Variants in PPM1K observed in about 807,000 individuals in gnomAD.
The protein encoded by PPM1K is protein phosphatase Mn(2+)-dependent 1K.
A neutral mutation model predicts 32.6 loss-of-function variants in PPM1K; 19 were observed. The ratio of observed to expected loss-of-function variants is 0.58; its 90% CI spans 0.41 to 0.86. PPM1K has a LOEUF of 0.86. Among genes scored for constraint, PPM1K ranks in the 40% least tolerant of loss-of-function variants. The probability of loss-of-function intolerance (pLI) is 0.00; values close to 1 mark genes in which losing one functional copy is unlikely to be tolerated. For synonymous variants in PPM1K, 159 were observed against 165.3 expected (o/e 0.96, Z 0.29); for missense variants, 362 against 461.2 (o/e 0.78, Z 1.97).
Position 88,277,126 on chromosome 4 carries a change from G to A in PPM1K, c.541+17C>T, listed in dbSNP as rs750175438. The stretch of plus-strand genomic sequence containing the variant: ...ATGTACTCCCTAGGATCCAAGGAAT[G>A]TGATAGTTTTACATACCATCAGCAG... On this transcript the variant is annotated intron_variant, in intron 3 of 6. Transcript: ENST00000608933. 6.3e-7 allele frequency: 1 copy of A among 1,575,268 alleles called. No individual in the cohort carries two copies. Among genetic ancestry groups the A allele is most frequent in the Admixed American group, 1.7e-5 (1 of 59,960 alleles).
chr4:88,276,277 CT>C (rs35349888), intron 3 of PPM1K: 2 of 985,020 alleles, frequency 2.0e-6, no homozygotes, highest in Non-Finnish European at 2.4e-6. Context: ...TGGTTTCTTT[CT>C]TTTTTTTAAG....
Position 88,278,714 on chromosome 4 carries a change from G to A in PPM1K, c.-59-72C>T. ...GCAGAGGAGGAGAGGGAGAGAGACAGAGAGAGAGAGACCATCAGAAATTTT... is the reference window on the plus strand; with the variant it reads ...GCAGAGGAGGAGAGGGAGAGAGACAAAGAGAGAGAGACCATCAGAAATTTT... On this transcript the variant is annotated intron_variant, in intron 1 of 6. Coordinates refer to ENST00000608933, the MANE Select transcript of PPM1K (RefSeq NM_152542.5). This position sits in a 1 kb window ranked among gnomAD's most constrained non-coding sequence, Gnocchi z 4.2. 1.6e-6 allele frequency: 1 copy of A among 621,232 alleles called. No homozygotes were observed. Among genetic ancestry groups the A allele is most frequent in the Non-Finnish European group, 2.7e-6 (1 of 369,968 alleles). 38.5% of individuals were successfully genotyped at this position (621,232 alleles called of 1,614,324 possible).
At chr4:88,271,001 G>A (rs777744223) in intron 3 of PPM1K, 2 of 494,722 alleles carry the variant, frequency 4.0e-6, no homozygotes, top group Non-Finnish European at 8.0e-6. Context: ...AACACTCACT[G>A]GACAATTTCT....
At chr4:88,270,384 G>A (rs575946622) in intron 3 of PPM1K, among the ~76,000 whole-genome samples, 1 of 152,160 alleles carries the variant, frequency 6.6e-6, no homozygotes, top group Non-Finnish European at 1.5e-5. Flanking sequence ...TGGAACTGTC[G>A]TGCCAATGTA....
At chr4:88,277,079 C>G in intron 3 of PPM1K, 64 bp downstream of exon 3, 1 of 1,284,958 alleles carries the variant, frequency 7.8e-7, no homozygotes, top group Non-Finnish European at 1.1e-6. Flanking sequence ...AAAGTGTTTC[C>G]TTTTTACTCC....
chr4:88,268,490 A>G (rs574076926), intron 4 of PPM1K, among the ~76,000 whole-genome samples, 156 bp from the exon 5 acceptor site: 44 of 152,238 alleles, frequency 2.9e-4, no homozygotes, highest in East Asian at 1.5e-3. Context: ...GCGTGTTGGC[A>G]GGCGCCTGTA....
At chr4:88,273,780 C>G (rs1358603321) in intron 3 of PPM1K, among the ~76,000 whole-genome samples, 1 of 151,946 alleles carries the variant, frequency 6.6e-6, no homozygotes, top group Non-Finnish European at 1.5e-5. Flanking sequence ...AAGAAATGGG[C>G]AACATGGCGC....
intron 2 of PPM1K, chr4:88,277,771 T>C: frequency 4.3e-6 from 1 of 234,058 alleles, no homozygotes; most frequent in Non-Finnish European, 8.3e-6. Flanking sequence ...AGTCAGGTAT[T>C]CAAAGCTATT....
intron 3 of PPM1K, among the ~76,000 whole-genome samples, chr4:88,274,086 C>T (rs1731670036): frequency 6.6e-6 from 1 of 152,212 alleles, no homozygotes; most frequent in Admixed American, 6.5e-5. Flanking sequence ...CCTAACCTCA[C>T]TCCTTGTGTG....
rs375840318 is a variant in PPM1K at position 88,277,139 on chromosome 4, A to G, written c.541+4T>C. ...GATCCAAGGAATGTGATAGTTTTACATACCATCAGCAGACAGGCGGGCATG... is the reference window on the plus strand; with the variant it reads ...GATCCAAGGAATGTGATAGTTTTACGTACCATCAGCAGACAGGCGGGCATG... On this transcript the variant is annotated splice_donor_region_variant and intron_variant, in intron 3 of 6. Coordinates refer to ENST00000608933, the MANE Select transcript of PPM1K (RefSeq NM_152542.5). 9.3e-6 allele frequency: 15 copies of G among 1,608,930 alleles called. No individual in the cohort carries two copies. In the Admixed American group the frequency reaches 1.5e-4, roughly 16 times the overall value.
rs760236716 is a variant in PPM1K, at chr4:88,265,139, C to T, written c.853-4G>A. The T allele has an allele frequency of 6.2e-7, 1 of 1,614,142 alleles. No homozygotes were observed. Among genetic ancestry groups the T allele is most frequent in the Admixed American group, 1.7e-5 (1 of 60,012 alleles). On this transcript the variant is annotated splice_polypyrimidine_tract_variant and splice_region_variant and intron_variant, in intron 5 of 6. Coordinates refer to ENST00000608933, the MANE Select transcript of PPM1K (RefSeq NM_152542.5). ...AGCTGTCATCAGCATGATGTAACTG[C>T]AATCAGAACCAAATGCCTATGATTA... is the stretch of plus-strand genomic sequence containing the variant.
Position 88,265,109 on chromosome 4 carries a change from C to T in PPM1K, c.879G>A (p.Leu293=), listed in dbSNP as rs553487139. 1.5e-5 allele frequency: 24 copies of T among 1,613,994 alleles called. No individual in the cohort carries two copies. Among genetic ancestry groups the T allele is most frequent in the East Asian group, 2.2e-5 (1 of 44,894 alleles). The change falls in exon 6 of 7, where the codon CTG becomes CTA. Residue 293 remains leucine, a synonymous_variant. Transcript: ENST00000608933. ...IKLHHADDSF[L]VLTTDGINFM... ...AGTTAATTCCATCTGTGGTGAGGAC[C>T]AGGAAGCTGTCATCAGCATGATGTA... is the stretch of plus-strand genomic sequence containing the variant.
chr4:88,278,113 C>A lies in PPM1K; in HGVS notation c.440+31G>T. 6.3e-7 allele frequency: 1 copy of A among 1,576,408 alleles called. No individual in the cohort carries two copies. The highest frequency in any genetic ancestry group is 1.1e-5 in the South Asian group (1 of 87,046). On this transcript the variant is annotated intron_variant, in intron 2 of 6. Transcript: ENST00000608933. The surrounding 1 kb of genome is among the most constrained non-coding windows in gnomAD (Gnocchi z 4.2). Reference sequence around the variant, plus strand: ...GTTTAAGTAGGAAGTATAGGAACTGCAAAGTCAGGAGTGAAAGTCATTGTA... The same window carrying A: ...GTTTAAGTAGGAAGTATAGGAACTGAAAAGTCAGGAGTGAAAGTCATTGTA...
At chr4:88,268,423 C>T (rs1212374633) in intron 4 of PPM1K, 89 bp from the exon 5 acceptor site, 13 of 1,443,294 alleles carry the variant, frequency 9.0e-6, no homozygotes, top group South Asian at 2.3e-5. Context: ...GAGATCGAGA[C>T]CATCCTGGCT....
rs1731075123 is a variant in PPM1K, at chr4:88,260,456, C to T, written c.*2139G>A. ...AAAGGTAGCTTCCACATTTCTGTTC[C>T]AAGAACTGATTAGAAAAAGCAAGAT... On this transcript the variant is annotated 3_prime_UTR_variant, in exon 7 of 7. Transcript: ENST00000608933. 1.3e-5 allele frequency: 2 copies of T among 152,002 alleles called. No individual in the cohort carries two copies. Among genetic ancestry groups the T allele is most frequent in the Non-Finnish European group, 2.9e-5 (2 of 68,016 alleles). 9.4% of individuals were successfully genotyped at this position (152,002 alleles called of 1,614,324 possible).
chr4:88,282,374 C>G (rs1219283075), intron 1 of PPM1K, among the ~76,000 whole-genome samples: 1 of 152,134 alleles, frequency 6.6e-6, no homozygotes, highest in Non-Finnish European at 1.5e-5. Flanking sequence ...GATTTTATCC[C>G]TCTAGAAAAA....
chr4:88,268,481 C>A lies in PPM1K; in HGVS notation c.708-147G>T, dbSNP rs1433659436. ...ACTAAAAAACAAAAAATTAGCCGAGCGTGTTGGCAGGCGCCTGTAGTCCCA... is the reference window on the plus strand; with the variant it reads ...ACTAAAAAACAAAAAATTAGCCGAGAGTGTTGGCAGGCGCCTGTAGTCCCA... On this transcript the variant is annotated intron_variant, in intron 4 of 6. Coordinates refer to ENST00000608933, the MANE Select transcript of PPM1K (RefSeq NM_152542.5). The A allele has an allele frequency of 3.6e-5, 34 of 945,282 alleles. 1 individual carries two copies. In the South Asian group the frequency reaches 4.9e-4, roughly 14 times the overall value. The allele number at this position is 945,282 out of a possible 1,614,324, so 58.6% of individuals were successfully genotyped here. A position where few individuals can be genotyped will look rare whatever the true frequency, so the allele number is the denominator to read the frequency against.
chr4:88,270,355 T>G (rs111454278), intron 3 of PPM1K, among the ~76,000 whole-genome samples: 53 of 152,368 alleles, frequency 3.5e-4, no homozygotes, highest in African/African-American at 1.2e-3. Context: ...GCACTATCTT[T>G]CCATTTTTCT....
In PPM1K at chr4:88,262,103, T is replaced by C. The variant is rs1401373375; in HGVS notation, c.*492A>G. On this transcript the variant is annotated 3_prime_UTR_variant, in exon 7 of 7. Coordinates refer to ENST00000608933, the MANE Select transcript of PPM1K (RefSeq NM_152542.5). Reference sequence around the variant, plus strand: ...TGGTAACAGAGAACTGTTTTCATACTTATTCCTTGGTACAGTTATTAAAAA... The same window carrying C: ...TGGTAACAGAGAACTGTTTTCATACCTATTCCTTGGTACAGTTATTAAAAA... 1 of 152,654 alleles carries C rather than the reference T, an allele frequency of 6.6e-6. No homozygotes were observed. The highest frequency in any genetic ancestry group is 1.5e-5 in the Non-Finnish European group (1 of 68,476). 9.5% of individuals were successfully genotyped at this position (152,654 alleles called of 1,614,324 possible). A position where few individuals can be genotyped will look rare whatever the true frequency, so the allele number is the denominator to read the frequency against.
Sources: gnomAD v4.1 joint callset for allele counts (sites outside exome capture counted in the v4.1 genomes callset) on GRCh38, gnomAD v4.1.1 for gene constraint, Gnocchi (gnomAD v3.1) non-coding constraint, MANE v1.5 for transcripts, NCBI Gene and HGNC (gene_info 2026-07-23, HGNC 2026-07-21) for gene names.